The following KDM1A variants were observed in gnomAD, a reference collection of about 807,000 sequenced individuals.
KDM1A encodes the protein lysine-specific histone demethylase 1A.
Under a neutral mutation model 109.4 loss-of-function variants are expected in KDM1A, and 49 were observed. That is an observed-to-expected ratio of 0.45 (90% CI 0.36 to 0.57). The LOEUF (loss-of-function observed/expected upper bound fraction) is 0.57, where lower values mean the gene tolerates loss of function less well. Ranked by LOEUF, KDM1A falls within the 20% of genes least tolerant of loss-of-function variation. KDM1A has a pLI of 0.00. For missense variants in KDM1A, 668 were observed against 1,116.6 expected (o/e 0.60, Z 5.73); for synonymous variants, 380 against 415.4 (o/e 0.91, Z 1.04).
intron 15 of KDM1A, among the ~76,000 whole-genome samples, chr1:23,074,466 A>C (rs964270868): frequency 1.3e-5 from 2 of 152,276 alleles, no homozygotes; most frequent in African/African-American, 4.8e-5. Flanking sequence ...TTTTGAGACA[A>C]GGTCTTGCTT....
chr1:23,071,456 C>G, intron 13 of KDM1A, 97 bp downstream of exon 13: 16 of 1,181,676 alleles, frequency 1.4e-5, no homozygotes, highest in Non-Finnish European at 1.9e-5. Context: ...TAGCCAATCA[C>G]AAGTGCCTTC....
intron 1 of KDM1A, among the ~76,000 whole-genome samples, chr1:23,025,314 C>G (rs1641759484): frequency 6.8e-6 from 1 of 147,742 alleles, no homozygotes; most frequent in Non-Finnish European, 1.5e-5. Flanking sequence ...TGTGAGACTT[C>G]AGAGAAGATG....
At chr1:23,053,517 C>T (rs747523445) in intron 4 of KDM1A, among the ~76,000 whole-genome samples, 4 of 152,148 alleles carry the variant, frequency 2.6e-5, no homozygotes, top group Non-Finnish European at 5.9e-5. Context: ...TCCTAAGTAG[C>T]TGGGACTACA....
chr1:23,068,976 G>A, intron 11 of KDM1A, 85 bp from the exon 12 acceptor site: 1 of 889,550 alleles, frequency 1.1e-6, no homozygotes, highest in East Asian at 2.5e-5. Context: ...AGTGGGCCTT[G>A]ATGCCCTTAA....
intron 5 of KDM1A, among the ~76,000 whole-genome samples, chr1:23,054,625 G>T (rs891452849): frequency 2.0e-5 from 3 of 151,920 alleles, no homozygotes; most frequent in Non-Finnish European, 4.4e-5. Context: ...GTAGAGTCGG[G>T]GTCTTTACAG....
At chr1:23,077,453 A>G in intron 16 of KDM1A, 93 bp downstream of exon 16, 3 of 1,359,034 alleles carry the variant, frequency 2.2e-6, no homozygotes, top group Non-Finnish European at 3.0e-6. Flanking sequence ...ATTTCCTGAT[A>G]GAGTGTTTAT....
Position 23,060,318 on chromosome 1 carries a change from A to G in KDM1A, c.1167+1151A>G, listed in dbSNP as rs569619612. Among the ~76,000 whole-genome samples, 3 of 152,344 alleles carry G rather than the reference A, an allele frequency of 2.0e-5. No individual in the cohort carries two copies. In the East Asian group the frequency reaches 5.8e-4, roughly 29 times the overall value. On this transcript the variant is annotated intron_variant, in intron 9 of 20. Coordinates refer to ENST00000400181, the MANE Select transcript of KDM1A (RefSeq NM_001009999.3). Reference sequence around the variant, plus strand: ...CCCAACTTTTTATTATGGAAATTTAAAAACACGGACTGAAGTAGAAAGAGT... The same window carrying G: ...CCCAACTTTTTATTATGGAAATTTAGAAACACGGACTGAAGTAGAAAGAGT...
chr1:23,063,429 C>G (rs183731634), intron 9 of KDM1A, among the ~76,000 whole-genome samples: 98 of 152,248 alleles, frequency 6.4e-4, no homozygotes, highest in African/African-American at 2.2e-3. Flanking sequence ...TCTATCGTAA[C>G]TTTGCCGGTT....
At chr1:23,026,569 A>G (rs748675356) in intron 1 of KDM1A, among the ~76,000 whole-genome samples, 1 of 151,738 alleles carries the variant, frequency 6.6e-6, no homozygotes, top group Non-Finnish European at 1.5e-5. Context: ...TTTTGTAGAG[A>G]TGGAGTCTCG....
rs774409559 is a variant in KDM1A at position 23,083,393 on chromosome 1, A to T, written c.*29A>T. Reference sequence around the variant, plus strand: ...AGATGCATTCTAAGGGAAGAGGCCCATGTGCCTGTTTCTGCCATGTAAGGA... The same window carrying T: ...AGATGCATTCTAAGGGAAGAGGCCCTTGTGCCTGTTTCTGCCATGTAAGGA... On this transcript the variant is annotated 3_prime_UTR_variant, in exon 21 of 21. Transcript: ENST00000400181. The T allele has an allele frequency of 1.9e-6, 3 of 1,585,040 alleles. No homozygotes were observed. Among genetic ancestry groups the T allele is most frequent in the Non-Finnish European group, 2.6e-6 (3 of 1,161,806 alleles).
At chr1:23,039,855 A>G (rs1392414149) in intron 2 of KDM1A, among the ~76,000 whole-genome samples, 3 of 152,222 alleles carry the variant, frequency 2.0e-5, no homozygotes, top group African/African-American at 7.2e-5. Context: ...CAACTAGATT[A>G]TAAGCTTTTT....
intron 12 of KDM1A, among the ~76,000 whole-genome samples, chr1:23,070,783 G>A (rs565576932): frequency 1.3e-5 from 2 of 151,920 alleles, no homozygotes; most frequent in Non-Finnish European, 2.9e-5. Flanking sequence ...ACTCCAGCCT[G>A]GGCGACAGAG....
intron 2 of KDM1A, among the ~76,000 whole-genome samples, chr1:23,032,348 T>C (rs1448560502): frequency 6.6e-6 from 1 of 152,188 alleles, no homozygotes; most frequent in East Asian, 1.9e-4. Context: ...TGTTTGCTTT[T>C]TTCTGAAAGC....
chr1:23,029,432 A>G (rs575216087), intron 1 of KDM1A, among the ~76,000 whole-genome samples: 23 of 152,314 alleles, frequency 1.5e-4, no homozygotes, highest in African/African-American at 5.3e-4. Context: ...TTTGAAGACT[A>G]TCTGTAATAC....
intron 1 of KDM1A, among the ~76,000 whole-genome samples, chr1:23,026,755 G>A (rs912457491): frequency 3.9e-5 from 6 of 152,086 alleles, no homozygotes; most frequent in African/African-American, 1.4e-4. Flanking sequence ...AATAAGGGTG[G>A]GGAGGAGAAG....
chr1:23,082,529 A>C (rs1643651213), intron 20 of KDM1A, 163 bp downstream of exon 20: 11 of 666,264 alleles, frequency 1.7e-5, no homozygotes, highest in African/African-American at 5.4e-5. Context: ...CTGATTTCTC[A>C]TAATTTGGTT....
chr1:23,036,778 G>T (rs1192672010), intron 2 of KDM1A, among the ~76,000 whole-genome samples: 1 of 152,130 alleles, frequency 6.6e-6, no homozygotes, highest in East Asian at 1.9e-4. Context: ...GAGGTAGGAA[G>T]GGTGAAGAGT....
chr1:23,019,760 TG>T lies in KDM1A; in HGVS notation c.169del (p.Glu57SerfsTer45). On this transcript the variant is annotated frameshift_variant, in exon 1 of 21. Transcript: ENST00000400181. LOFTEE classifies it high-confidence loss of function. ...CCAGCCGAGGTCGGGCCGGGGGCGG[TG>T]GGGGAGCGCACACCCCGCAAGAAAG... ...SGPAEVGPGA[V>X]GERTPRKKEP... The T allele has an allele frequency of 7.4e-7, 1 of 1,344,676 alleles. No homozygotes were observed. The highest frequency in any genetic ancestry group is 9.6e-7 in the Non-Finnish European group (1 of 1,046,336). 83.3% of individuals were successfully genotyped at this position (1,344,676 alleles called of 1,614,324 possible).
At chr1:23,083,074 T>G in intron 20 of KDM1A, 105 bp from the exon 21 acceptor site, 1 of 999,500 alleles carries the variant, frequency 1.0e-6, no homozygotes, top group South Asian at 1.6e-5. Context: ...ATTGGGGGGG[T>G]CAGCCTTTAA....
Sources: allele counts gnomAD v4.1 joint callset (sites outside exome capture counted in the v4.1 genomes callset), GRCh38; gene constraint gnomAD v4.1.1; transcripts MANE v1.5; gene names NCBI Gene and HGNC (gene_info 2026-07-23, HGNC 2026-07-21).